The following CLSTN2 variants were observed in gnomAD, a reference collection of about 807,000 sequenced individuals.
CLSTN2 encodes the protein calsyntenin 2.
CLSTN2 carries 48 observed loss-of-function variants against 101.2 expected under a neutral mutation model. The observed-to-expected ratio is 0.47, with a 90% CI of 0.38 to 0.60. The LOEUF is 0.60. Ranked by LOEUF, CLSTN2 falls within the 20% of genes least tolerant of loss-of-function variation. CLSTN2 has a pLI of 0.00. For missense variants in CLSTN2, 1,160 were observed against 1,238.2 expected, an observed-to-expected ratio of 0.94 and a Z score of 0.95; for synonymous variants, 481 against 463.6, an observed-to-expected ratio of 1.04 and a Z score of -0.48.
chr3:139,981,137 C>T (rs1471941773), intron 1 of CLSTN2, among the ~76,000 whole-genome samples: 1 of 152,138 alleles, frequency 6.6e-6, no homozygotes, highest in African/African-American at 2.4e-5. Context: ...GTGGCCTCAT[C>T]TCTTTTCTCA....
At chr3:140,406,271 T>C (rs568934121) in intron 4 of CLSTN2, among the ~76,000 whole-genome samples, 3 of 152,328 alleles carry the variant, frequency 2.0e-5, no homozygotes, top group East Asian at 3.9e-4. Flanking sequence ...GCAGATGCCA[T>C]AGGGACTAGA....
chr3:140,519,536 T>G (rs953449192), intron 8 of CLSTN2, among the ~76,000 whole-genome samples: 1 of 152,366 alleles, frequency 6.6e-6, no homozygotes, highest in South Asian at 2.1e-4. Context: ...GCATATATAT[T>G]TAGGATAGTT....
At chr3:140,097,028 A>G (rs1006345017) in intron 1 of CLSTN2, among the ~76,000 whole-genome samples, 2 of 152,150 alleles carry the variant, frequency 1.3e-5, no homozygotes, top group Non-Finnish European at 2.9e-5. Context: ...TTTCTTCACT[A>G]TAAGAACAGG....
intron 8 of CLSTN2, among the ~76,000 whole-genome samples, chr3:140,521,889 G>T (rs1265485866): frequency 2.0e-5 from 3 of 152,152 alleles, no homozygotes; most frequent in Non-Finnish European, 4.4e-5. Context: ...ACACTGCTTG[G>T]CTCCCTGGAT....
At chr3:140,553,069 A>T (rs1456768696) in intron 10 of CLSTN2, among the ~76,000 whole-genome samples, 1 of 152,198 alleles carries the variant, frequency 6.6e-6, no homozygotes, top group Non-Finnish European at 1.5e-5. Context: ...GCCAACTCAG[A>T]CACTGACTGT....
At chr3:140,359,455 G>C (rs1049539900) in intron 2 of CLSTN2, among the ~76,000 whole-genome samples, 5 of 152,212 alleles carry the variant, frequency 3.3e-5, no homozygotes, top group African/African-American at 1.2e-4. Flanking sequence ...TAAACATTAT[G>C]TGTACACACA....
chr3:140,353,146 T>C (rs1428921524), intron 2 of CLSTN2, among the ~76,000 whole-genome samples: 1 of 151,796 alleles, frequency 6.6e-6, no homozygotes, highest in African/African-American at 2.4e-5. Context: ...ATGCTATTTT[T>C]ATCAGTAACT....
rs918066822 is a variant in CLSTN2, at chr3:140,575,985, A to G, written c.*9732A>G. ...GTTGTTTACCGTTAGCTCTCAAAGC[A>G]GTGGGAATAGTGCTTGGCACATAGT... On this transcript the variant is annotated 3_prime_UTR_variant, in exon 17 of 17. Transcript: ENST00000458420. 2.0e-5 allele frequency: 3 copies of G among 152,222 alleles called. No homozygotes were observed. The highest frequency in any genetic ancestry group is 4.4e-5 in the Non-Finnish European group (3 of 68,034). The allele number at this position is 152,222 out of a possible 1,614,324, so 9.4% of individuals were successfully genotyped here.
intron 2 of CLSTN2, among the ~76,000 whole-genome samples, chr3:140,177,183 A>G (rs1334911176): frequency 6.6e-6 from 1 of 152,230 alleles, no homozygotes; most frequent in Non-Finnish European, 1.5e-5. Flanking sequence ...AATGAAAACC[A>G]CTAAGGGTAC....
chr3:139,958,853 T>C (rs1004332924), intron 1 of CLSTN2, among the ~76,000 whole-genome samples: 1 of 148,984 alleles, frequency 6.7e-6, no homozygotes, highest in African/African-American at 2.5e-5. Flanking sequence ...AGTCTTATAA[T>C]TGATGGCATC....
intron 8 of CLSTN2, among the ~76,000 whole-genome samples, chr3:140,477,969 T>C (rs1462006227): frequency 6.6e-6 from 1 of 152,210 alleles, no homozygotes; most frequent in African/African-American, 2.4e-5. Flanking sequence ...TTCAAGACCA[T>C]ACTCAGGGGT....
chr3:140,426,200 TG>T (rs1228340171), intron 5 of CLSTN2, among the ~76,000 whole-genome samples: 2 of 152,204 alleles, frequency 1.3e-5, no homozygotes, highest in Admixed American at 6.5e-5. Context: ...TGTGCCGTGG[TG>T]GTTTGATGTC....
intron 1 of CLSTN2, among the ~76,000 whole-genome samples, chr3:140,115,928 G>A (rs150245088): frequency 2.0e-5 from 3 of 152,308 alleles, no homozygotes; most frequent in Admixed American, 6.5e-5. Context: ...AAATCGGATC[G>A]GTTGATGAGA....
chr3:140,387,862 A>G (rs2088070338), intron 2 of CLSTN2, among the ~76,000 whole-genome samples: 1 of 152,232 alleles, frequency 6.6e-6, no homozygotes, highest in East Asian at 1.9e-4. Context: ...TAATTGGGAG[A>G]TAATGGAATG....
At chr3:140,486,195 C>T (rs1934239204) in intron 8 of CLSTN2, among the ~76,000 whole-genome samples, 1 of 151,376 alleles carries the variant, frequency 6.6e-6, no homozygotes, top group Non-Finnish European at 1.5e-5. Context: ...ACTTTGGAAA[C>T]CAAAAGACAA....
intron 8 of CLSTN2, among the ~76,000 whole-genome samples, chr3:140,519,320 G>GTAGATAGCTAT (rs1443380301): frequency 2.0e-5 from 3 of 152,244 alleles, no homozygotes; most frequent in Non-Finnish European, 4.4e-5. Flanking sequence ...GGAGAGTTCT[G>GTAGATAGCTAT]TAGATAGCTA....
At chr3:140,185,529 C>T (rs1292842065) in intron 2 of CLSTN2, among the ~76,000 whole-genome samples, 1 of 152,052 alleles carries the variant, frequency 6.6e-6, no homozygotes, top group Admixed American at 6.6e-5. Context: ...ATTTCAAGCC[C>T]CATGACCCAG....
intron 1 of CLSTN2, among the ~76,000 whole-genome samples, chr3:140,084,663 G>T (rs2008651242): frequency 6.6e-6 from 1 of 152,158 alleles, no homozygotes; most frequent in African/African-American, 2.4e-5. Context: ...CATGGTGCAA[G>T]ACACACTGAT....
At chr3:139,974,519 A>G (rs1935776485) in intron 1 of CLSTN2, among the ~76,000 whole-genome samples, 1 of 152,116 alleles carries the variant, frequency 6.6e-6, no homozygotes, top group Non-Finnish European at 1.5e-5. Context: ...CAAAGGGGAG[A>G]TGGGGTGTCT....
Sources: allele counts gnomAD v4.1 joint callset (sites outside exome capture counted in the v4.1 genomes callset), GRCh38; gene constraint gnomAD v4.1.1; transcripts MANE v1.5; gene names NCBI Gene and HGNC (gene_info 2026-07-23, HGNC 2026-07-21).